RAD51B: variants seen among roughly 807,000 people sequenced by gnomAD.
The protein encoded by RAD51B is DNA repair protein RAD51 homolog 2.
A neutral mutation model predicts 42.2 loss-of-function variants in RAD51B; 38 were observed. The ratio of observed to expected loss-of-function variants is 0.90; its 90% CI spans 0.70 to 1.18. RAD51B has a LOEUF of 1.18. RAD51B is among the 50% of genes most tolerant of loss of function. The probability of loss-of-function intolerance (pLI) is 0.00; values close to 1 mark genes in which losing one functional copy is unlikely to be tolerated. For synonymous variants in RAD51B, 154 were observed against 145.2 expected (o/e 1.06, Z -0.43); for missense variants, 373 against 400.7 (o/e 0.93, Z 0.59).
At chr14:67,921,755 G>A (rs2044334523) in intron 7 of RAD51B, among the ~76,000 whole-genome samples, 1 of 152,108 alleles carries the variant, frequency 6.6e-6, no homozygotes, top group African/African-American at 2.4e-5. Flanking sequence ...CCCAACTGGT[G>A]CCACTCTCTC....
chr14:68,357,868 C>T (rs554538738), intron 8 of RAD51B, among the ~76,000 whole-genome samples: 1 of 152,216 alleles, frequency 6.6e-6, no homozygotes, highest in Non-Finnish European at 1.5e-5. Flanking sequence ...TTTCAACATG[C>T]CTTCCTCACT....
rs942283390 is a variant in RAD51B, at chr14:67,996,550, G to T, written c.756+109346G>T. ...GCTTGCCAGATAGAGAGAACAGTCAGTGCAAAGGCTGCAAGATGAGAGCAT... is the reference window on the plus strand; with the variant it reads ...GCTTGCCAGATAGAGAGAACAGTCATTGCAAAGGCTGCAAGATGAGAGCAT... On this transcript the variant is annotated intron_variant, in intron 7 of 10. Transcript: ENST00000471583. Among the ~76,000 whole-genome samples the T allele has an allele frequency of 1.2e-4, 19 of 152,306 alleles. 1 individual carries two copies. The East Asian group carries it at 1.7e-3, about 14-fold the overall frequency.
chr14:68,243,467 T>C (rs1470927841), intron 7 of RAD51B, among the ~76,000 whole-genome samples: 1 of 152,220 alleles, frequency 6.6e-6, no homozygotes, highest in African/African-American at 2.4e-5. Context: ...TCATGGTTGA[T>C]GTTATTTTAT....
At chr14:68,125,604 T>A (rs928561234) in intron 7 of RAD51B, among the ~76,000 whole-genome samples, 1 of 152,210 alleles carries the variant, frequency 6.6e-6, no homozygotes, top group Non-Finnish European at 1.5e-5. Context: ...TGTGTACATA[T>A]TCAGGTTTGT....
intron 7 of RAD51B, among the ~76,000 whole-genome samples, chr14:68,220,661 T>G (rs2079906838): frequency 6.6e-6 from 1 of 152,198 alleles, no homozygotes; most frequent in South Asian, 2.1e-4. Context: ...AAGAGGAAGT[T>G]AAACCATTGC....
intron 9 of RAD51B, among the ~76,000 whole-genome samples, chr14:68,461,416 G>A (rs74059317): frequency 6.6e-6 from 1 of 151,660 alleles, no homozygotes; most frequent in African/African-American, 2.4e-5. Context: ...AAAGTAGATT[G>A]AGTTGTATGT....
At chr14:68,423,851 C>A (rs1351750253) in intron 9 of RAD51B, among the ~76,000 whole-genome samples, 1 of 152,164 alleles carries the variant, frequency 6.6e-6, no homozygotes, top group Non-Finnish European at 1.5e-5. Flanking sequence ...AACTGTGTGG[C>A]TCTGTGTGGC....
At chr14:68,383,509 A>G (rs2083525662) in intron 8 of RAD51B, among the ~76,000 whole-genome samples, 1 of 152,228 alleles carries the variant, frequency 6.6e-6, no homozygotes, top group Admixed American at 6.5e-5. Flanking sequence ...ACTGAAGTAG[A>G]TGCTGGTCAC....
intron 10 of RAD51B, among the ~76,000 whole-genome samples, chr14:68,631,898 G>C (rs1026833341): frequency 6.6e-6 from 1 of 152,198 alleles, no homozygotes; most frequent in African/African-American, 2.4e-5. Context: ...TCACTGGCTG[G>C]CCTGGGAGAG....
intron 5 of RAD51B, among the ~76,000 whole-genome samples, chr14:67,870,152 A>G (rs2042474408): frequency 6.8e-6 from 1 of 147,434 alleles, no homozygotes; most frequent in African/African-American, 2.5e-5. Flanking sequence ...AATTGGATAA[A>G]GAGTCAAGAC....
downstream of RAD51B, among the ~76,000 whole-genome samples, chr14:68,613,181 C>G (rs1199555309): frequency 6.6e-6 from 1 of 151,748 alleles, no homozygotes; most frequent in African/African-American, 2.4e-5. Context: ...TTTGGGAGGC[C>G]AAGGTGGGCA....
At chr14:68,281,969 A>T (rs2081326936) in intron 7 of RAD51B, among the ~76,000 whole-genome samples, 1 of 149,992 alleles carries the variant, frequency 6.7e-6, no homozygotes, top group Admixed American at 6.7e-5. Flanking sequence ...GCCTTTGGCC[A>T]GGACATCCTT....
chr14:68,085,513 A>C (rs989632675), intron 7 of RAD51B, among the ~76,000 whole-genome samples: 1 of 152,148 alleles, frequency 6.6e-6, no homozygotes, highest in African/African-American at 2.4e-5. Context: ...AAAAGAAGGG[A>C]GTGTTTTATG....
At chr14:68,388,948 A>T (rs2083671987) in intron 8 of RAD51B, among the ~76,000 whole-genome samples, 1 of 152,162 alleles carries the variant, frequency 6.6e-6, no homozygotes, top group Non-Finnish European at 1.5e-5. Flanking sequence ...GCCTTCAATG[A>T]TGTAAATTTG....
rs553778169 is a variant in RAD51B, at chr14:68,121,248, T to C, written c.757-170636T>C. Among the ~76,000 whole-genome samples the C allele has an allele frequency of 7.9e-5, 12 of 152,324 alleles. No homozygotes were observed. In the South Asian group the frequency reaches 2.5e-3, roughly 32 times the overall value. Reference sequence around the variant, plus strand: ...TATTATTTCTAATCATCATAAAAGCTTTGCAACCAGACTTAGCAGCTTTAT... The same window carrying C: ...TATTATTTCTAATCATCATAAAAGCCTTGCAACCAGACTTAGCAGCTTTAT... On this transcript the variant is annotated intron_variant, in intron 7 of 10. Coordinates refer to ENST00000471583, the MANE Select transcript of RAD51B (RefSeq NM_133510.4).
At chr14:67,996,149 A>G (rs1225328965) in intron 7 of RAD51B, among the ~76,000 whole-genome samples, 1 of 151,768 alleles carries the variant, frequency 6.6e-6, no homozygotes, top group Non-Finnish European at 1.5e-5. Context: ...TAATCCCAGC[A>G]CTTTGGGAGG....
intron 10 of RAD51B, chr14:68,540,243 C>T (rs543168856): frequency 5.0e-6 from 5 of 1,001,352 alleles, no homozygotes; most frequent in East Asian, 1.4e-4. Flanking sequence ...AACATAGGAT[C>T]GTCTGAGTTC....
At chr14:67,879,429 T>C (rs2042835093) in intron 5 of RAD51B, among the ~76,000 whole-genome samples, 1 of 152,140 alleles carries the variant, frequency 6.6e-6, no homozygotes, top group Non-Finnish European at 1.5e-5. Flanking sequence ...GACTGTCATA[T>C]ATTTTTTGTT....
At chr14:68,151,611 T>TG (rs2078382112) in intron 7 of RAD51B, among the ~76,000 whole-genome samples, 8 of 151,964 alleles carry the variant, frequency 5.3e-5, no homozygotes, top group Admixed American at 3.3e-4. Context: ...TTCTTGGTTT[T>TG]TTGTGTGTGT....
Sources: gnomAD v4.1 joint callset for allele counts (sites outside exome capture counted in the v4.1 genomes callset) on GRCh38, gnomAD v4.1.1 for gene constraint, MANE v1.5 for transcripts, NCBI Gene and HGNC (gene_info 2026-07-23, HGNC 2026-07-21) for gene names.